Variants in INSYN2B observed in about 807,000 individuals in gnomAD.
INSYN2B encodes the protein inhibitory synaptic factor family member 2B.
In INSYN2B, 16 loss-of-function variants were observed where a neutral mutation model predicts 41.2. That is an observed-to-expected ratio of 0.39 (90% CI 0.26 to 0.59). INSYN2B has a LOEUF of 0.59. Among genes scored for constraint, INSYN2B ranks in the 20% least tolerant of loss-of-function variants. The pLI, the probability that INSYN2B is intolerant of heterozygous loss-of-function variation, is 0.57. For missense variants in INSYN2B, 608 were observed against 646.4 expected, an observed-to-expected ratio of 0.94 and a Z score of 0.64; for synonymous variants, 245 against 244.4, an observed-to-expected ratio of 1.00 and a Z score of -0.02.
At chr5:169,890,822 C>T (rs953577905) in intron 1 of INSYN2B, among the ~76,000 whole-genome samples, 2 of 152,170 alleles carry the variant, frequency 1.3e-5, no homozygotes, top group African/African-American at 4.8e-5. Context: ...TATTCACACC[C>T]AGGTCTCCAT....
chr5:169,942,064 G>C (rs375816809), intron 1 of INSYN2B, among the ~76,000 whole-genome samples: 1 of 152,346 alleles, frequency 6.6e-6, no homozygotes, highest in African/African-American at 2.4e-5. Flanking sequence ...TTCGACATGA[G>C]AAGGATGTGG....
intron 1 of INSYN2B, among the ~76,000 whole-genome samples, chr5:169,887,083 G>A (rs1260902950): frequency 6.6e-6 from 1 of 152,198 alleles, no homozygotes; most frequent in Non-Finnish European, 1.5e-5. Context: ...TGGACCCACA[G>A]ACTGACCCTG....
In INSYN2B at chr5:169,862,271, CTGCT is replaced by C. The variant is rs1383918760; in HGVS notation, c.*1998_*2001del. On this transcript the variant is annotated 3_prime_UTR_variant, in exon 4 of 4. Coordinates refer to ENST00000377365, the MANE Select transcript of INSYN2B (RefSeq NM_001129891.3). ...ATTTGCCAAAGGCTAGTGGTATAGA[CTGCT>C]TGGTTGCCTGGATCTCTTAATTCTG... Among the ~76,000 whole-genome samples, 1 of 152,214 alleles carries C rather than the reference CTGCT, an allele frequency of 6.6e-6. No individual in the cohort carries two copies. Among genetic ancestry groups the C allele is most frequent in the Non-Finnish European group, 1.5e-5 (1 of 68,036 alleles).
chr5:169,925,460 A>G (rs944585906), intron 1 of INSYN2B, among the ~76,000 whole-genome samples: 13 of 151,872 alleles, frequency 8.6e-5, no homozygotes, highest in Admixed American at 5.9e-4. Context: ...TGCACCTGTA[A>G]TCCCAGCTAC....
Position 169,884,580 on chromosome 5 carries a change from G to A in INSYN2B, c.-682C>T, listed in dbSNP as rs1483869421. The A allele has an allele frequency of 6.6e-6, 1 of 152,156 alleles. No individual in the cohort carries two copies. The highest frequency in any genetic ancestry group is 1.5e-5 in the Non-Finnish European group (1 of 68,050). The allele number at this position is 152,156 out of a possible 1,614,324, so 9.4% of individuals were successfully genotyped here. On this transcript the variant is annotated 5_prime_UTR_variant, in exon 2 of 4. Transcript: ENST00000377365. ...TGCTGTCTCTCTTTTCTTCAGTGAG[G>A]GAAACTTATCTTCCTAAATAGCCTC... is the stretch of plus-strand genomic sequence containing the variant.
chr5:169,908,044 ACAATTT>A (rs1774391427), intron 1 of INSYN2B, among the ~76,000 whole-genome samples: 1 of 152,206 alleles, frequency 6.6e-6, no homozygotes. Context: ...CTGTGATGGA[ACAATTT>A]AGATCAAGCC....
chr5:169,903,310 A>AT lies in INSYN2B; in HGVS notation c.-918-18495dup, dbSNP rs1491359588. Among the ~76,000 whole-genome samples the AT allele has an allele frequency of 3.4e-4, 33 of 97,054 alleles. No homozygotes were observed. The East Asian group carries it at 6.7e-3, about 20-fold the overall frequency. The allele number at this position is 97,054 out of a possible 152,430, so 63.7% of individuals were successfully genotyped here. A position where few individuals can be genotyped will look rare whatever the true frequency, so the allele number is the denominator to read the frequency against. On this transcript the variant is annotated intron_variant, in intron 1 of 3. Coordinates refer to ENST00000377365, the MANE Select transcript of INSYN2B (RefSeq NM_001129891.3). ...TCTCTAAAAAACAACAACAACAACAATAAAAAAAAAAAAAAAAAAGGAAAA... is the reference window on the plus strand; with the variant it reads ...TCTCTAAAAAACAACAACAACAACAATTAAAAAAAAAAAAAAAAAAGGAAAA...
intron 3 of INSYN2B, among the ~76,000 whole-genome samples, chr5:169,879,284 G>A (rs1242833127): frequency 6.6e-6 from 1 of 152,164 alleles, no homozygotes; most frequent in Admixed American, 6.5e-5. Flanking sequence ...CTGGGGATGA[G>A]TATTTCACAT....
intron 1 of INSYN2B, among the ~76,000 whole-genome samples, chr5:169,925,578 T>C (rs1394394203): frequency 3.1e-5 from 1 of 32,324 alleles, no homozygotes; most frequent in African/African-American, 1.3e-4. Flanking sequence ...AGACTCTGTC[T>C]TAAAAAAAAA....
chr5:169,952,710 C>A (rs1460238347), intron 1 of INSYN2B, among the ~76,000 whole-genome samples: 1 of 152,178 alleles, frequency 6.6e-6, no homozygotes, highest in Middle Eastern at 3.2e-3. Context: ...GCCAGCCTTG[C>A]CCCTGGAATG....
chr5:169,868,847 C>T (rs771229500), intron 3 of INSYN2B, among the ~76,000 whole-genome samples: 14 of 152,248 alleles, frequency 9.2e-5, no homozygotes, highest in South Asian at 2.1e-4. Context: ...GGAGATGGAA[C>T]GGAAACTTTA....
At chr5:169,975,677 C>A (rs1255856629) in intron 1 of INSYN2B, among the ~76,000 whole-genome samples, 1 of 152,214 alleles carries the variant, frequency 6.6e-6, no homozygotes, top group Non-Finnish European at 1.5e-5. Context: ...GAAAATAGGG[C>A]AGATACTCCA....
intron 1 of INSYN2B, among the ~76,000 whole-genome samples, chr5:169,973,535 G>A (rs549440702): frequency 1.3e-5 from 2 of 152,144 alleles, no homozygotes; most frequent in Non-Finnish European, 2.9e-5. Flanking sequence ...AGAACTGAGG[G>A]TCCAAGAGGT....
At chr5:169,909,627 T>G (rs1168712377) in intron 1 of INSYN2B, among the ~76,000 whole-genome samples, 2 of 152,216 alleles carry the variant, frequency 1.3e-5, no homozygotes, top group African/African-American at 4.8e-5. Flanking sequence ...ACATATCTTC[T>G]AAGTTGCAGA....
chr5:169,912,441 A>G (rs563175946), intron 1 of INSYN2B, among the ~76,000 whole-genome samples: 1 of 152,190 alleles, frequency 6.6e-6, no homozygotes, highest in Non-Finnish European at 1.5e-5. Context: ...TTAGCCACAC[A>G]CAAATTCATC....
chr5:169,873,859 G>A (rs1772137912), intron 3 of INSYN2B, among the ~76,000 whole-genome samples: 1 of 152,142 alleles, frequency 6.6e-6, no homozygotes, highest in African/African-American at 2.4e-5. Context: ...ACAGCTCTCT[G>A]GAGCCTCTCT....
chr5:169,930,377 C>T (rs938376900), intron 1 of INSYN2B, among the ~76,000 whole-genome samples: 3 of 152,180 alleles, frequency 2.0e-5, no homozygotes, highest in Admixed American at 6.5e-5. Flanking sequence ...TATGCACTCA[C>T]GACTGGGGTT....
chr5:169,875,887 AGT>A (rs1772302384), intron 3 of INSYN2B: 1 of 152,404 alleles, frequency 6.6e-6, no homozygotes, highest in Non-Finnish European at 1.5e-5. Flanking sequence ...ATTTATTCTG[AGT>A]GTACTTATGT....
intron 1 of INSYN2B, among the ~76,000 whole-genome samples, chr5:169,970,475 G>A (rs532492253): frequency 6.6e-6 from 1 of 152,376 alleles, no homozygotes; most frequent in East Asian, 1.9e-4. Flanking sequence ...ACTGCTGTTT[G>A]AAGGTGGTGG....
Sources: allele counts gnomAD v4.1 joint callset (sites outside exome capture counted in the v4.1 genomes callset), GRCh38; gene constraint gnomAD v4.1.1; transcripts MANE v1.5; gene names NCBI Gene and HGNC (gene_info 2026-07-23, HGNC 2026-07-21).